Variants in SAMD5 observed in about 807,000 individuals in gnomAD.
The protein encoded by SAMD5 is sterile alpha motif domain containing 5, also known as sterile alpha motif domain-containing protein 5.
SAMD5 carries 13 observed loss-of-function variants against 11.3 expected under a neutral mutation model. The observed-to-expected ratio is 1.15, with a 90% CI of 0.75 to 1.83. The LOEUF is 1.83. Ranked by LOEUF, SAMD5 falls within the 40% of genes most tolerant of loss-of-function variation. The pLI is 0.00. For missense variants in SAMD5, 255 were observed against 239.1 expected (o/e 1.07, Z -0.44); for synonymous variants, 129 against 111.3 (o/e 1.16, Z -1.00).
At chr6:147,951,335 A>C in the SAMD5 span, among the ~76,000 whole-genome samples, 443 of 151,576 alleles carry the variant, frequency 2.9e-3, 3 homozygotes, top group African/African-American at 9.8e-3. Flanking sequence ...GAGCCCACCA[A>C]CACGCCCGGC....
chr6:147,845,885 G>A, the SAMD5 span, among the ~76,000 whole-genome samples: 1 of 152,086 alleles, frequency 6.6e-6, no homozygotes, highest in East Asian at 1.9e-4. Flanking sequence ...ATTTATCTTG[G>A]AGAAATGAGA....
the SAMD5 span, among the ~76,000 whole-genome samples, chr6:147,887,847 T>C: frequency 1.3e-5 from 2 of 152,232 alleles, no homozygotes; most frequent in Non-Finnish European, 1.5e-5. Context: ...TGAGTCTTTT[T>C]AGTTGTAGCC....
chr6:147,786,559 C>A, the SAMD5 span, among the ~76,000 whole-genome samples: 1 of 152,164 alleles, frequency 6.6e-6, no homozygotes, highest in Admixed American at 6.5e-5. Context: ...TTCTGAATTT[C>A]ATCAGTCAAA....
chr6:147,908,887 G>C, the SAMD5 span, among the ~76,000 whole-genome samples: 2 of 152,120 alleles, frequency 1.3e-5, no homozygotes, highest in Non-Finnish European at 2.9e-5. Context: ...CCAGATGCAG[G>C]CTAAGCCTGA....
At chr6:147,890,926 A>G in the SAMD5 span, among the ~76,000 whole-genome samples, 8 of 152,232 alleles carry the variant, frequency 5.3e-5, no homozygotes, top group South Asian at 2.1e-4. Context: ...TCAGTTGACA[A>G]TGGCACAATG....
At chr6:147,736,928 A>G (rs911523552) in intron 1 of SAMD5, among the ~76,000 whole-genome samples, 1 of 152,120 alleles carries the variant, frequency 6.6e-6, no homozygotes, top group Non-Finnish European at 1.5e-5. Context: ...ATTCATATTA[A>G]CTACAGAATA....
At chr6:147,837,695 A>G in the SAMD5 span, among the ~76,000 whole-genome samples, 1 of 152,200 alleles carries the variant, frequency 6.6e-6, no homozygotes. Flanking sequence ...TGACTCACTT[A>G]AATACCATGG....
chr6:147,567,295 G>A lies in SAMD5; in HGVS notation c.*2839G>A, dbSNP rs778175500. On this transcript the variant is annotated 3_prime_UTR_variant, in exon 2 of 2. Transcript: ENST00000367474. ...AGTAGTTTCTCAACTGGGAGCATAC[G>A]AGCAATTTCTCAGTTCAGAGATATT... 3.0e-6 allele frequency: 3 copies of A among 985,236 alleles called. No individual in the cohort carries two copies. Among genetic ancestry groups the A allele is most frequent in the Non-Finnish European group, 2.4e-6 (2 of 829,764 alleles). 61.0% of individuals were successfully genotyped at this position (985,236 alleles called of 1,614,324 possible).
chr6:147,695,980 C>T (rs1193654471), intron 1 of SAMD5, among the ~76,000 whole-genome samples: 1 of 152,148 alleles, frequency 6.6e-6, no homozygotes, highest in Non-Finnish European at 1.5e-5. Flanking sequence ...TTAAGAGAAA[C>T]TAGGTGGTGT....
chr6:147,934,079 G>C, the SAMD5 span, among the ~76,000 whole-genome samples: 1 of 152,138 alleles, frequency 6.6e-6, no homozygotes, highest in Non-Finnish European at 1.5e-5. Flanking sequence ...CCCACTCCGA[G>C]TCTGGTGGGA....
chr6:147,779,388 C>A, the SAMD5 span, among the ~76,000 whole-genome samples: 1 of 151,914 alleles, frequency 6.6e-6, no homozygotes, highest in South Asian at 2.1e-4. Flanking sequence ...ATTAGTATGA[C>A]CACAGAACTT....
At chr6:147,625,696 A>C (rs1403530400) in intron 1 of SAMD5, among the ~76,000 whole-genome samples, 1 of 152,144 alleles carries the variant, frequency 6.6e-6, no homozygotes, top group African/African-American at 2.4e-5. Context: ...GCCCTTTTAG[A>C]GGGTCGTTAA....
intron 1 of SAMD5, among the ~76,000 whole-genome samples, chr6:147,635,073 C>A (rs1022877594): frequency 4.6e-5 from 7 of 152,192 alleles, no homozygotes; most frequent in African/African-American, 1.2e-4. Context: ...AGATCACATA[C>A]AAAATTTTGG....
the SAMD5 span, among the ~76,000 whole-genome samples, chr6:147,830,069 G>T: frequency 2.6e-5 from 4 of 151,980 alleles, no homozygotes; most frequent in Non-Finnish European, 5.9e-5. Context: ...CATTGCAAGA[G>T]TGAGGCCAAA....
chr6:147,602,235 T>C (rs1789627782), intron 1 of SAMD5, among the ~76,000 whole-genome samples: 2 of 152,236 alleles, frequency 1.3e-5, no homozygotes. Context: ...AGTGTGTCAT[T>C]TTTGACATAA....
intron 1 of SAMD5, among the ~76,000 whole-genome samples, chr6:147,638,841 A>T (rs890269458): frequency 6.6e-5 from 10 of 152,216 alleles, no homozygotes; most frequent in African/African-American, 1.7e-4. Flanking sequence ...ATTTTGTGTT[A>T]CCTGTAATAT....
At chr6:147,947,706 A>G in the SAMD5 span, among the ~76,000 whole-genome samples, 1 of 152,164 alleles carries the variant, frequency 6.6e-6, no homozygotes, top group Non-Finnish European at 1.5e-5. Context: ...TGGAGTTACA[A>G]CACACTTTGT....
chr6:147,917,868 A>C, the SAMD5 span, among the ~76,000 whole-genome samples: 1 of 152,110 alleles, frequency 6.6e-6, no homozygotes, highest in Non-Finnish European at 1.5e-5. Flanking sequence ...AGATGGTTGT[A>C]GATGTGTGGT....
chr6:147,790,597 T>A, the SAMD5 span, among the ~76,000 whole-genome samples: 5 of 152,170 alleles, frequency 3.3e-5, no homozygotes, highest in Non-Finnish European at 7.3e-5. Context: ...AGCATCACTT[T>A]GGGTGTGTCT....
Sources: allele counts gnomAD v4.1 joint callset (sites outside exome capture counted in the v4.1 genomes callset), GRCh38; gene constraint gnomAD v4.1.1; transcripts MANE v1.5; gene names NCBI Gene and HGNC (gene_info 2026-07-23, HGNC 2026-07-21).